PRKCE: variants seen among roughly 807,000 people sequenced by gnomAD.
PRKCE encodes protein kinase C epsilon type.
In PRKCE, 16 loss-of-function variants were observed where a neutral mutation model predicts 85.4. That is an observed-to-expected ratio of 0.19 (90% CI 0.13 to 0.28). PRKCE has a LOEUF of 0.28. PRKCE is among the 10% of genes least tolerant of loss of function. PRKCE has a pLI of 1.00. For missense variants in PRKCE, 573 were observed against 975.2 expected (o/e 0.59, Z 5.49); for synonymous variants, 388 against 371.5 (o/e 1.04, Z -0.51).
intron 2 of PRKCE, among the ~76,000 whole-genome samples, chr2:45,933,556 C>T (rs1226616901): frequency 1.4e-5 from 2 of 141,292 alleles, no homozygotes; most frequent in African/African-American, 2.6e-5. Flanking sequence ...TCACTGCAAG[C>T]TCCACCTCCC....
intron 2 of PRKCE, among the ~76,000 whole-genome samples, chr2:45,936,515 C>G (rs141564357): frequency 4.3e-4 from 66 of 152,086 alleles, no homozygotes; most frequent in Non-Finnish European, 9.0e-4. Context: ...GTTTCTTTAC[C>G]GAGAGGAAGC....
intron 2 of PRKCE, among the ~76,000 whole-genome samples, chr2:45,858,679 T>A (rs1486869025): frequency 2.6e-5 from 4 of 152,222 alleles, no homozygotes; most frequent in Non-Finnish European, 5.9e-5. Context: ...TCTTTATGAT[T>A]TTAGCACCTA....
intron 11 of PRKCE, among the ~76,000 whole-genome samples, chr2:46,095,569 T>C (rs1340114975): frequency 1.3e-5 from 2 of 152,240 alleles, no homozygotes; most frequent in African/African-American, 2.4e-5. Context: ...GAGTAACTGT[T>C]ACTGCATATT....
chr2:46,048,500 T>C (rs1050990399), intron 10 of PRKCE, among the ~76,000 whole-genome samples: 5 of 152,200 alleles, frequency 3.3e-5, no homozygotes, highest in African/African-American at 7.2e-5. Context: ...TGCCAGTGCC[T>C]CCTACCGAGC....
At chr2:45,671,036 C>T (rs181698753) in intron 1 of PRKCE, among the ~76,000 whole-genome samples, 8 of 152,276 alleles carry the variant, frequency 5.3e-5, no homozygotes, top group Non-Finnish European at 8.8e-5. Flanking sequence ...TAATACAAGG[C>T]GGGTTTCCTC....
intron 11 of PRKCE, among the ~76,000 whole-genome samples, chr2:46,128,802 G>T (rs1384120313): frequency 6.6e-6 from 1 of 152,212 alleles, no homozygotes; most frequent in Non-Finnish European, 1.5e-5. Context: ...AAGACCTTCT[G>T]CACTGGAAAT....
chr2:46,127,902 G>A (rs991342289), intron 11 of PRKCE, among the ~76,000 whole-genome samples: 17 of 152,356 alleles, frequency 1.1e-4, no homozygotes, highest in South Asian at 8.3e-4. Context: ...AGACATGGCC[G>A]TGGGAAAACA....
At chr2:45,901,856 A>G (rs777472342) in intron 2 of PRKCE, among the ~76,000 whole-genome samples, 2 of 152,044 alleles carry the variant, frequency 1.3e-5, no homozygotes, top group Non-Finnish European at 2.9e-5. Flanking sequence ...TGTCTGTAAA[A>G]CCCTGAAGTC....
At chr2:45,803,858 G>A (rs1688049210) in intron 1 of PRKCE, among the ~76,000 whole-genome samples, 2 of 152,150 alleles carry the variant, frequency 1.3e-5, no homozygotes, top group African/African-American at 4.8e-5. Context: ...CAGGGTGAGT[G>A]GGGGCTCCAT....
chr2:45,727,331 G>A (rs1681160460), intron 1 of PRKCE, among the ~76,000 whole-genome samples: 1 of 152,186 alleles, frequency 6.6e-6, no homozygotes, highest in South Asian at 2.1e-4. Context: ...TGTATTGAAG[G>A]TAGAAGACAA....
chr2:45,879,158 G>C (rs1330416483), intron 2 of PRKCE, among the ~76,000 whole-genome samples: 1 of 152,196 alleles, frequency 6.6e-6, no homozygotes, highest in Non-Finnish European at 1.5e-5. Flanking sequence ...CACTGGCAGA[G>C]AGCAGAGAAG....
At chr2:45,898,751 T>C (rs1696343454) in intron 2 of PRKCE, among the ~76,000 whole-genome samples, 1 of 152,152 alleles carries the variant, frequency 6.6e-6, no homozygotes. Flanking sequence ...AATACTATTG[T>C]AACCAGATCA....
At chr2:46,162,237 G>T (rs374199551) in intron 14 of PRKCE, among the ~76,000 whole-genome samples, 1 of 152,140 alleles carries the variant, frequency 6.6e-6, no homozygotes, top group East Asian at 1.9e-4. Context: ...GAGCAAAAGG[G>T]ACCTGTGCTT....
intron 10 of PRKCE, among the ~76,000 whole-genome samples, chr2:46,026,648 G>C (rs1426533463): frequency 6.6e-6 from 1 of 152,116 alleles, no homozygotes; most frequent in East Asian, 1.9e-4. Context: ...TGACATTTTA[G>C]GGATGTTTTT....
chr2:46,055,310 C>T (rs937558111), intron 10 of PRKCE, among the ~76,000 whole-genome samples: 4 of 152,236 alleles, frequency 2.6e-5, no homozygotes, highest in African/African-American at 9.6e-5. Context: ...CACCTGCTCA[C>T]CTGTGCTCCC....
chr2:45,807,808 C>A (rs1241208003), intron 1 of PRKCE, among the ~76,000 whole-genome samples: 1 of 152,102 alleles, frequency 6.6e-6, no homozygotes, highest in Non-Finnish European at 1.5e-5. Flanking sequence ...CTTTACCAAG[C>A]CCTCCAGGTG....
At chr2:45,915,701 G>C (rs1235370789) in intron 2 of PRKCE, among the ~76,000 whole-genome samples, 1 of 152,196 alleles carries the variant, frequency 6.6e-6, no homozygotes, top group East Asian at 1.9e-4. Flanking sequence ...TGCTGGTGGA[G>C]CTCAGTCGCG....
intron 1 of PRKCE, among the ~76,000 whole-genome samples, chr2:45,728,683 A>G (rs544596062): frequency 6.6e-6 from 1 of 152,300 alleles, no homozygotes; most frequent in East Asian, 1.9e-4. Flanking sequence ...GCCTGACTGT[A>G]AGTTGAGGTC....
At chr2:46,132,532 T>C (rs1674564172) in intron 11 of PRKCE, among the ~76,000 whole-genome samples, 1 of 152,188 alleles carries the variant, frequency 6.6e-6, no homozygotes, top group Non-Finnish European at 1.5e-5. Context: ...TTTGATTTTG[T>C]AAACTCTACC....
Sources: gnomAD v4.1 joint callset for allele counts (sites outside exome capture counted in the v4.1 genomes callset) on GRCh38, gnomAD v4.1.1 for gene constraint, MANE v1.5 for transcripts, NCBI Gene and HGNC (gene_info 2026-07-23, HGNC 2026-07-21) for gene names.